The following PARD3 variants were observed in gnomAD, a reference collection of about 807,000 sequenced individuals.
PARD3 encodes the protein partitioning defective 3 homolog.
PARD3 carries 75 observed loss-of-function variants against 155.4 expected under a neutral mutation model. The observed-to-expected ratio is 0.48, with a 90% CI of 0.40 to 0.58. The LOEUF is 0.58. Among genes scored for constraint, PARD3 ranks in the 20% least tolerant of loss-of-function variants. PARD3 has a pLI of 0.00. For missense variants in PARD3, 1,642 were observed against 1,721.7 expected (o/e 0.95, Z 0.82); for synonymous variants, 576 against 610.5 (o/e 0.94, Z 0.83).
intron 2 of PARD3, among the ~76,000 whole-genome samples, chr10:34,518,844 A>G (rs756129216): frequency 1.3e-5 from 2 of 152,206 alleles, no homozygotes; most frequent in Non-Finnish European, 2.9e-5. Context: ...GTCTCCCCAG[A>G]AGAGTCATTT....
rs528826991 is a variant in PARD3 at position 34,125,449 on chromosome 10, A to G, written c.3541-5709T>C. Reference sequence around the variant, plus strand: ...TTTCAAGGCTGTCAACTAAGGCAGCATTTTTTGAGTCAAGGCATGGAGGCC... The same window carrying G: ...TTTCAAGGCTGTCAACTAAGGCAGCGTTTTTTGAGTCAAGGCATGGAGGCC... On this transcript the variant is annotated intron_variant, in intron 23 of 24. Transcript: ENST00000374788. Among the ~76,000 whole-genome samples the G allele has an allele frequency of 3.9e-5, 6 of 152,326 alleles. No homozygotes were observed. The South Asian group carries it at 1.0e-3, about 26-fold the overall frequency.
At chr10:34,620,035 A>T (rs189061990) in intron 2 of PARD3, among the ~76,000 whole-genome samples, 2 of 151,872 alleles carry the variant, frequency 1.3e-5, no homozygotes, top group Admixed American at 1.3e-4. Context: ...CACCACCACC[A>T]CCTCCTCCTC....
intron 19 of PARD3, among the ~76,000 whole-genome samples, chr10:34,322,341 A>G (rs556200473): frequency 5.9e-5 from 9 of 152,312 alleles, no homozygotes; most frequent in African/African-American, 1.9e-4. Flanking sequence ...AAGGGGCAGA[A>G]AAATGTTGGG....
intron 20 of PARD3, among the ~76,000 whole-genome samples, chr10:34,307,137 A>C (rs1957456500): frequency 6.6e-6 from 1 of 151,976 alleles, no homozygotes; most frequent in Admixed American, 6.6e-5. Context: ...TGATCCGCCC[A>C]CCTCGGCCTC....
chr10:34,250,170 T>C (rs1053540269), intron 22 of PARD3, among the ~76,000 whole-genome samples: 6 of 149,600 alleles, frequency 4.0e-5, no homozygotes, highest in South Asian at 2.1e-4. Context: ...CACACACAGC[T>C]TTCCACAGCC....
intron 7 of PARD3, 73 bp downstream of exon 7, chr10:34,399,257 T>G: frequency 1.0e-6 from 1 of 967,104 alleles, no homozygotes. Flanking sequence ...TCAACACCAC[T>G]CTCTATCTGA....
At chr10:34,192,234 A>C (rs1950744800) in intron 22 of PARD3, among the ~76,000 whole-genome samples, 1 of 151,892 alleles carries the variant, frequency 6.6e-6, no homozygotes, top group Non-Finnish European at 1.5e-5. Flanking sequence ...TGCCCAGCTA[A>C]TTCTTGTTTG....
At chr10:34,454,004 T>C (rs1451405563) in intron 4 of PARD3, among the ~76,000 whole-genome samples, 1 of 152,238 alleles carries the variant, frequency 6.6e-6, no homozygotes, top group African/African-American at 2.4e-5. Flanking sequence ...GTAAAATCAA[T>C]GATGAATCCA....
intron 4 of PARD3, among the ~76,000 whole-genome samples, chr10:34,467,842 C>T (rs1409705618): frequency 6.6e-6 from 1 of 152,180 alleles, no homozygotes; most frequent in African/African-American, 2.4e-5. Context: ...GCTCTCCTAA[C>T]GTGTTCCTGT....
intron 22 of PARD3, among the ~76,000 whole-genome samples, chr10:34,154,605 C>T (rs1948919239): frequency 6.6e-6 from 1 of 152,156 alleles, no homozygotes; most frequent in Admixed American, 6.5e-5. Flanking sequence ...TCATACTTGC[C>T]CTGTAGAAGA....
intron 3 of PARD3, among the ~76,000 whole-genome samples, chr10:34,515,342 G>A (rs1262142206): frequency 2.6e-5 from 4 of 152,256 alleles, no homozygotes; most frequent in African/African-American, 9.6e-5. Flanking sequence ...CATAAATAAA[G>A]CTAAATCTCT....
intron 20 of PARD3, among the ~76,000 whole-genome samples, chr10:34,298,653 G>C (rs923828981): frequency 6.6e-6 from 1 of 152,206 alleles, no homozygotes; most frequent in African/African-American, 2.4e-5. Flanking sequence ...AGGCGTTCTA[G>C]AAACTAATGG....
chr10:34,254,998 A>G (rs991835992), intron 22 of PARD3, among the ~76,000 whole-genome samples: 8 of 152,180 alleles, frequency 5.3e-5, no homozygotes, highest in African/African-American at 1.9e-4. Flanking sequence ...AATAACTAGA[A>G]GTCTGTAACC....
At chr10:34,652,672 C>T (rs982235811) in intron 2 of PARD3, among the ~76,000 whole-genome samples, 8 of 152,184 alleles carry the variant, frequency 5.3e-5, no homozygotes, top group Non-Finnish European at 2.9e-5. Context: ...TCACACCTAA[C>T]AAGGAAATGA....
chr10:34,542,241 A>G (rs866293623), intron 2 of PARD3, among the ~76,000 whole-genome samples: 1 of 70,972 alleles, frequency 1.4e-5, no homozygotes, highest in Admixed American at 1.4e-4. Context: ...GTGTGTGTGC[A>G]CACACACACA....
chr10:34,681,248 C>T (rs1388587842), intron 2 of PARD3, among the ~76,000 whole-genome samples: 1 of 152,042 alleles, frequency 6.6e-6, no homozygotes, highest in Non-Finnish European at 1.5e-5. Context: ...GCCACTTTAT[C>T]CCAGTAATTT....
intron 5 of PARD3, among the ~76,000 whole-genome samples, chr10:34,414,191 A>C (rs79720677): frequency 0.12 from 17,894 of 151,274 alleles, 1,633 homozygotes; most frequent in African/African-American, 0.26. Context: ...GAGCGACTCC[A>C]GCCTGGGTGA....
intron 2 of PARD3, among the ~76,000 whole-genome samples, chr10:34,666,039 C>T (rs1021984540): frequency 6.6e-6 from 1 of 151,510 alleles, no homozygotes; most frequent in African/African-American, 2.4e-5. Context: ...CAAGTGAGAC[C>T]CTGACTCTAC....
intron 3 of PARD3, among the ~76,000 whole-genome samples, chr10:34,516,592 A>G (rs2081780758): frequency 6.6e-6 from 1 of 152,200 alleles, no homozygotes; most frequent in Non-Finnish European, 1.5e-5. Context: ...AAGTTCAAAT[A>G]ATATAAATGA....
Sources: allele counts gnomAD v4.1 joint callset (sites outside exome capture counted in the v4.1 genomes callset), GRCh38; gene constraint gnomAD v4.1.1; transcripts MANE v1.5; gene names NCBI Gene and HGNC (gene_info 2026-07-23, HGNC 2026-07-21).